DMD: variants seen among roughly 807,000 people sequenced by gnomAD.
The protein encoded by DMD is dystrophin, also known as mutant dystrophin.
DMD carries 63 observed loss-of-function variants against 330.1 expected under a neutral mutation model. The ratio of observed to expected loss-of-function variants is 0.19; its 90% CI spans 0.16 to 0.24. The LOEUF (loss-of-function observed/expected upper bound fraction) is 0.24. DMD is among the 10% of genes least tolerant of loss of function. The pLI is 1.00. For missense variants in DMD, 3,344 were observed against 2,684.1 expected (o/e 1.25, Z -5.43); for synonymous variants, 1,223 against 959.8 (o/e 1.27, Z -5.07).
At chrX:32,728,578 A>T (rs2067160768) in intron 7 of DMD, among the ~76,000 whole-genome samples, 1 of 112,047 alleles carries the variant, frequency 8.9e-6, no homozygotes, top group Non-Finnish European at 1.9e-5. Context: ...TTCTAAAGTG[A>T]GTTAAATTGT....
At chrX:31,517,278 AG>A (rs945854519) in intron 55 of DMD, among the ~76,000 whole-genome samples, 13 of 111,485 alleles carry the variant, frequency 1.2e-4, no homozygotes, top group Non-Finnish European at 1.9e-4. Flanking sequence ...ACCTATTGTG[AG>A]GTTTCATTAA....
At chrX:32,941,891 A>G in intron 2 of DMD, among the ~76,000 whole-genome samples, 1 of 111,686 alleles carries the variant, frequency 9.0e-6, no homozygotes, top group South Asian at 3.7e-4. Context: ...AGGTCCTTCC[A>G]ATATTTCTTC....
intron 7 of DMD, among the ~76,000 whole-genome samples, chrX:32,775,770 T>TC (rs1185831322): frequency 1.8e-5 from 2 of 112,995 alleles, no homozygotes; most frequent in Admixed American, 1.9e-4. Context: ...GAAGACGTTT[T>TC]CCCCATTGTC....
chrX:32,544,975 T>C (rs1470566272), intron 17 of DMD, among the ~76,000 whole-genome samples, 184 bp downstream of exon 17: 2 of 111,817 alleles, frequency 1.8e-5, no homozygotes, highest in Non-Finnish European at 3.8e-5. Flanking sequence ...TTACTTTCTG[T>C]TGCGATAGTG....
At chrX:32,213,689 A>T (rs2097101702) in intron 44 of DMD, among the ~76,000 whole-genome samples, 1 of 112,126 alleles carries the variant, frequency 8.9e-6, no homozygotes, top group Non-Finnish European at 1.9e-5. Flanking sequence ...AAAATTATCC[A>T]GTTGGCCAGG....
At chrX:32,340,184 TA>T (rs775012513) in intron 41 of DMD, among the ~76,000 whole-genome samples, 2 of 111,770 alleles carry the variant, frequency 1.8e-5, no homozygotes, top group South Asian at 7.6e-4. Flanking sequence ...CAGTTCTAAT[TA>T]AAATACGATG....
chrX:32,348,717 T>C (rs2097772192), intron 37 of DMD, among the ~76,000 whole-genome samples, 189 bp from the exon 38 acceptor site: 2 of 111,684 alleles, frequency 1.8e-5, no homozygotes, highest in Admixed American at 1.9e-4. Context: ...AGGAGAAACA[T>C]TTCACATCAC....
At chrX:32,853,912 A>G (rs1249965673) in intron 2 of DMD, among the ~76,000 whole-genome samples, 3 of 111,814 alleles carry the variant, frequency 2.7e-5, no homozygotes, top group African/African-American at 9.7e-5. Flanking sequence ...TAGCAACCAA[A>G]AAAGAACAGG....
At chrX:31,689,518 C>T in intron 52 of DMD, among the ~76,000 whole-genome samples, 1 of 111,683 alleles carries the variant, frequency 9.0e-6, no homozygotes, top group Non-Finnish European at 1.9e-5. Flanking sequence ...TAGGAAGAAT[C>T]AATATCGTGA....
intron 1 of DMD, among the ~76,000 whole-genome samples, chrX:33,189,032 T>C (rs751472527): frequency 1.8e-5 from 2 of 111,841 alleles, no homozygotes; most frequent in Non-Finnish European, 3.8e-5. Flanking sequence ...GGTATTTTGT[T>C]ATGGCAATGC....
At chrX:32,957,269 G>T (rs2091648937) in intron 2 of DMD, among the ~76,000 whole-genome samples, 1 of 111,020 alleles carries the variant, frequency 9.0e-6, no homozygotes, top group African/African-American at 3.3e-5. Flanking sequence ...TGGAGAGAGG[G>T]GAATGCTAAC....
intron 9 of DMD, among the ~76,000 whole-genome samples, chrX:32,665,277 GC>G (rs2061232117): frequency 1.8e-5 from 2 of 111,145 alleles, no homozygotes; most frequent in Admixed American, 1.9e-4. Flanking sequence ...AAGAATATGG[GC>G]TGTGGAATCA....
At chrX:31,763,267 C>T (rs929758517) in intron 51 of DMD, among the ~76,000 whole-genome samples, 14 of 112,519 alleles carry the variant, frequency 1.2e-4, no homozygotes, top group Admixed American at 1.2e-3. Flanking sequence ...ATGAAAAAGA[C>T]CAATACATAT....
chrX:32,098,211 T>C (rs1055502486), intron 44 of DMD, among the ~76,000 whole-genome samples: 1 of 111,608 alleles, frequency 9.0e-6, no homozygotes, highest in African/African-American at 3.2e-5. Context: ...TAAATGCACA[T>C]ATATGTAAAA....
chrX:31,871,931 A>G (rs1191763464), intron 48 of DMD, among the ~76,000 whole-genome samples: 3 of 17,294 alleles, frequency 1.7e-4, no homozygotes, highest in African/African-American at 9.0e-4. Flanking sequence ...TTAATAAATC[A>G]TTTATTAGTG....
chrX:31,910,288 T>A (rs748164253), intron 47 of DMD, among the ~76,000 whole-genome samples: 2 of 109,961 alleles, frequency 1.8e-5, no homozygotes, highest in African/African-American at 6.5e-5. Context: ...ATGTACCACA[T>A]TCTCCCTTGC....
At chrX:32,241,380 G>A (rs1456894780) in intron 43 of DMD, among the ~76,000 whole-genome samples, 1 of 112,674 alleles carries the variant, frequency 8.9e-6, no homozygotes, top group Non-Finnish European at 1.9e-5. Context: ...GCAAGGCTAT[G>A]TCTTTATTCT....
intron 55 of DMD, among the ~76,000 whole-genome samples, chrX:31,583,202 G>C (rs1429617810): frequency 8.9e-6 from 1 of 112,013 alleles, no homozygotes; most frequent in African/African-American, 3.2e-5. Context: ...ATGGCCAAGA[G>C]GGGTACATAG....
At chrX:32,506,279 G>A (rs1408432487) in intron 18 of DMD, among the ~76,000 whole-genome samples, 2 of 109,926 alleles carry the variant, frequency 1.8e-5, no homozygotes, top group African/African-American at 6.6e-5. Context: ...TGTGGGAGCC[G>A]GGTTATATGG....
Sources: allele counts gnomAD v4.1 joint callset (sites outside exome capture counted in the v4.1 genomes callset), GRCh38; gene constraint gnomAD v4.1.1; transcripts MANE v1.5; gene names NCBI Gene and HGNC (gene_info 2026-07-23, HGNC 2026-07-21).